The following FSTL4 variants were observed in gnomAD, a reference collection of about 807,000 sequenced individuals.
FSTL4 encodes the protein follistatin-related protein 4.
A neutral mutation model predicts 78.2 loss-of-function variants in FSTL4; 28 were observed. The ratio of observed to expected loss-of-function variants is 0.36; its 90% CI spans 0.27 to 0.49. FSTL4 has a LOEUF of 0.49. FSTL4 is among the 20% of genes least tolerant of loss of function. The probability of loss-of-function intolerance (pLI) is 0.98; values close to 1 mark genes in which losing one functional copy is unlikely to be tolerated. For missense variants in FSTL4, 922 were observed against 1,084.9 expected, an observed-to-expected ratio of 0.85 and a Z score of 2.11; for synonymous variants, 422 against 440.5, an observed-to-expected ratio of 0.96 and a Z score of 0.53.
At chr5:133,709,090 T>C in the FSTL4 span, among the ~76,000 whole-genome samples, 8 of 152,318 alleles carry the variant, frequency 5.3e-5, no homozygotes, top group African/African-American at 1.9e-4. Flanking sequence ...ATACACAAAA[T>C]TGTAGACACA....
At chr5:133,712,810 G>A in the FSTL4 span, among the ~76,000 whole-genome samples, 107 of 152,328 alleles carry the variant, frequency 7.0e-4, no homozygotes, top group African/African-American at 2.5e-3. Context: ...CTATGCCCAC[G>A]ATGCTGTGTG....
the FSTL4 span, among the ~76,000 whole-genome samples, chr5:133,670,440 C>A: frequency 6.6e-6 from 1 of 152,146 alleles, no homozygotes; most frequent in African/African-American, 2.4e-5. Context: ...GGGAGTGGAA[C>A]CAAGAACTGT....
chr5:133,791,106 A>T, the FSTL4 span, among the ~76,000 whole-genome samples: 1 of 152,142 alleles, frequency 6.6e-6, no homozygotes, highest in Non-Finnish European at 1.5e-5. Flanking sequence ...CATGCCAGGC[A>T]CACCCCTGCT....
At chr5:133,208,680 CTTTTTT>C (rs771799738) in intron 14 of FSTL4, among the ~76,000 whole-genome samples, 2 of 151,964 alleles carry the variant, frequency 1.3e-5, no homozygotes, top group Non-Finnish European at 2.9e-5. Flanking sequence ...ATGCATTTTT[CTTTTTT>C]TGTTTTTTGA....
At chr5:133,299,256 G>A (rs1434417161) in intron 6 of FSTL4, among the ~76,000 whole-genome samples, 2 of 152,212 alleles carry the variant, frequency 1.3e-5, no homozygotes, top group Admixed American at 6.5e-5. Context: ...GTGCACACAT[G>A]AGTGTGAAGG....
the FSTL4 span, among the ~76,000 whole-genome samples, chr5:133,682,569 T>C: frequency 6.6e-6 from 1 of 152,174 alleles, no homozygotes; most frequent in East Asian, 1.9e-4. Flanking sequence ...TGATGACACA[T>C]AGCAAGGGGC....
chr5:133,628,309 A>G, the FSTL4 span, among the ~76,000 whole-genome samples: 24 of 152,128 alleles, frequency 1.6e-4, no homozygotes, highest in African/African-American at 5.6e-4. Flanking sequence ...CCTTCAAAAA[A>G]ATCAGTGCAT....
the FSTL4 span, among the ~76,000 whole-genome samples, chr5:133,646,483 C>T: frequency 2.6e-5 from 4 of 152,044 alleles, no homozygotes; most frequent in South Asian, 2.1e-4. Flanking sequence ...CAATGGAATG[C>T]CGTGAGCTAA....
At chr5:133,391,052 G>A (rs1755836316) in intron 4 of FSTL4, among the ~76,000 whole-genome samples, 1 of 152,200 alleles carries the variant, frequency 6.6e-6, no homozygotes, top group Non-Finnish European at 1.5e-5. Flanking sequence ...CTAGAAAAGA[G>A]CATGAAAGTC....
intron 3 of FSTL4, among the ~76,000 whole-genome samples, chr5:133,422,064 A>G (rs796876290): frequency 3.3e-5 from 5 of 152,272 alleles, no homozygotes; most frequent in African/African-American, 1.2e-4. Flanking sequence ...CAGAGTCCAG[A>G]CCGAGTGCCA....
At chr5:133,510,432 T>C (rs1394027507) in intron 3 of FSTL4, among the ~76,000 whole-genome samples, 1 of 152,176 alleles carries the variant, frequency 6.6e-6, no homozygotes, top group Non-Finnish European at 1.5e-5. Flanking sequence ...TATTCCCAGG[T>C]TGGGCTAAAG....
intron 3 of FSTL4, among the ~76,000 whole-genome samples, chr5:133,558,430 T>C (rs1759837477): frequency 6.6e-6 from 1 of 152,164 alleles, no homozygotes; most frequent in South Asian, 2.1e-4. Flanking sequence ...GAACCAGCTC[T>C]GTGCACCATC....
At chr5:133,502,741 A>G (rs1758525915) in intron 3 of FSTL4, among the ~76,000 whole-genome samples, 1 of 123,828 alleles carries the variant, frequency 8.1e-6, no homozygotes, top group South Asian at 2.3e-4. Flanking sequence ...TCTCCTCAGA[A>G]GCAGAAGCCA....
chr5:133,472,024 T>C (rs1287972752), intron 3 of FSTL4, among the ~76,000 whole-genome samples: 2 of 152,178 alleles, frequency 1.3e-5, no homozygotes, highest in African/African-American at 2.4e-5. Flanking sequence ...TTGTCCATAG[T>C]GACCTTGGGG....
chr5:133,400,933 G>C lies in FSTL4; in HGVS notation c.214C>G (p.Arg72Gly), dbSNP rs367775547. ...CTGCTGAGCACGCACCGGCTCCCTC[G>C]GCTGCAGAACTTCTTCCCGCAGGAG... The part of the protein sequence containing the change: ...LASCGKKFCS[R>G]GSRCVLSRKT... The change falls in exon 4 of 16, where the codon CGA becomes GGA. Residue 72 changes from arginine (R) to glycine (G), a missense_variant. Arg to Gly is a moderately radical substitution (Grantham distance 125). Transcript: ENST00000265342. The C allele has an allele frequency of 1.2e-6, 2 of 1,613,400 alleles. No individual in the cohort carries two copies. The highest frequency in any genetic ancestry group is 3.3e-5 in the Admixed American group (2 of 60,030).
intron 3 of FSTL4, among the ~76,000 whole-genome samples, chr5:133,541,859 G>A (rs1425470097): frequency 6.6e-6 from 1 of 151,912 alleles, no homozygotes; most frequent in African/African-American, 2.4e-5. Context: ...GCTGCTAGGG[G>A]TGTACATTGC....
At chr5:133,835,955 G>T in the FSTL4 span, among the ~76,000 whole-genome samples, 9 of 152,256 alleles carry the variant, frequency 5.9e-5, no homozygotes, top group South Asian at 1.9e-3. Context: ...ATCATGAAAT[G>T]ATTATTTTTA....
At chr5:133,489,757 C>T (rs73788100) in intron 3 of FSTL4, among the ~76,000 whole-genome samples, 1,894 of 152,304 alleles carry the variant, frequency 0.012, 40 homozygotes, top group African/African-American at 0.044. Flanking sequence ...TTGGCTCTAC[C>T]TGTAGGGCCC....
chr5:133,548,280 G>A (rs146121501), intron 3 of FSTL4, among the ~76,000 whole-genome samples: 80 of 149,614 alleles, frequency 5.3e-4, no homozygotes, highest in African/African-American at 2.0e-3. Context: ...CAGAAATGCA[G>A]GTGACTTGGG....
Sources: allele counts gnomAD v4.1 joint callset (sites outside exome capture counted in the v4.1 genomes callset), GRCh38; gene constraint gnomAD v4.1.1; transcripts MANE v1.5; gene names NCBI Gene and HGNC (gene_info 2026-07-23, HGNC 2026-07-21).